The following CLVS1 variants were observed in gnomAD, a reference collection of about 807,000 sequenced individuals.
CLVS1 encodes clavesin 1, also known as clavesin-1.
A neutral mutation model predicts 33.1 loss-of-function variants in CLVS1; 10 were observed. The observed-to-expected ratio is 0.30, with a 90% CI of 0.19 to 0.51. The LOEUF is 0.51. CLVS1 is among the 20% of genes least tolerant of loss of function. The probability of loss-of-function intolerance (pLI) is 0.97; values close to 1 mark genes in which losing one functional copy is unlikely to be tolerated. For missense variants in CLVS1, 343 were observed against 433.4 expected (o/e 0.79, Z 1.85); for synonymous variants, 163 against 166.1 (o/e 0.98, Z 0.14).
chr8:61,235,826 T>C (rs992592584), intron 2 of CLVS1, among the ~76,000 whole-genome samples: 2 of 152,208 alleles, frequency 1.3e-5, no homozygotes, highest in African/African-American at 4.8e-5. Flanking sequence ...TTGCTAGAGA[T>C]AGAGATCATT....
chr8:61,039,180 T>C, the CLVS1 span, among the ~76,000 whole-genome samples: 1 of 152,230 alleles, frequency 6.6e-6, no homozygotes, highest in Non-Finnish European at 1.5e-5. Flanking sequence ...CAATAAGAAA[T>C]ATATTTTACT....
At chr8:61,191,926 A>G (rs1056938365) in intron 2 of CLVS1, among the ~76,000 whole-genome samples, 17 of 152,234 alleles carry the variant, frequency 1.1e-4, no homozygotes, top group Non-Finnish European at 2.4e-4. Flanking sequence ...AGGAAGAATC[A>G]ATATTGTGAA....
chr8:61,129,649 C>A (rs1358537370), intron 1 of CLVS1, among the ~76,000 whole-genome samples: 2 of 152,110 alleles, frequency 1.3e-5, no homozygotes, highest in Admixed American at 1.3e-4. Context: ...TAGATGGTGT[C>A]TTCTTGCTGT....
At chr8:61,390,041 G>A (rs1387491322) in intron 3 of CLVS1, among the ~76,000 whole-genome samples, 2 of 152,180 alleles carry the variant, frequency 1.3e-5, no homozygotes, top group Non-Finnish European at 2.9e-5. Context: ...CCTGGAGGTT[G>A]AAATCCATAA....
chr8:61,163,589 C>A (rs927138127), intron 2 of CLVS1, among the ~76,000 whole-genome samples: 1 of 152,142 alleles, frequency 6.6e-6, no homozygotes, highest in Non-Finnish European at 1.5e-5. Flanking sequence ...TGGCAGCAAG[C>A]CTTTTGCTCT....
the CLVS1 span, among the ~76,000 whole-genome samples, chr8:61,014,142 A>ATTTTTTTTTTTTTTTTTTT: frequency 6.7e-6 from 1 of 149,464 alleles, no homozygotes. Flanking sequence ...TAGTTTGAGA[A>ATTTTTTTTTTTTTTTTTTT]GTCATGTCAT....
intron 3 of CLVS1, among the ~76,000 whole-genome samples, chr8:61,408,391 T>C (rs1225845647): frequency 6.6e-6 from 1 of 152,084 alleles, no homozygotes; most frequent in Non-Finnish European, 1.5e-5. Flanking sequence ...AGAGATTCGA[T>C]TGAAAAGACA....
chr8:61,376,996 G>A, intron 3 of CLVS1: 1 of 476,668 alleles, frequency 2.1e-6, no homozygotes, highest in Non-Finnish European at 3.7e-6. Flanking sequence ...GTTACCCCAG[G>A]CACAAATTAT....
rs538311867 is a variant in CLVS1 at position 61,388,597 on chromosome 8, G to A, written c.630+11818G>A. 2.1e-4 allele frequency among the ~76,000 whole-genome samples: 32 copies of A among 151,672 alleles called. No individual in the cohort carries two copies. The South Asian group carries it at 4.6e-3, about 22-fold the overall frequency. ...CATAAAATGGATGCATTAAGCCTGC[G>A]CACTTCATTCTTTTTTTGTTATATC... On this transcript the variant is annotated intron_variant, in intron 3 of 5. Transcript: ENST00000325897.
At chr8:61,497,706 T>G (rs934831883) in intron 5 of CLVS1, among the ~76,000 whole-genome samples, 2 of 151,846 alleles carry the variant, frequency 1.3e-5, no homozygotes, top group African/African-American at 4.8e-5. Context: ...GTCCATAGAG[T>G]AAAGTGAAAG....
chr8:61,476,116 A>G (rs1168495303), intron 5 of CLVS1, among the ~76,000 whole-genome samples: 1 of 151,930 alleles, frequency 6.6e-6, no homozygotes, highest in Non-Finnish European at 1.5e-5. Flanking sequence ...TAGATATGTG[A>G]CATTATTTCT....
chr8:61,133,682 G>A (rs938273947), intron 2 of CLVS1, among the ~76,000 whole-genome samples: 11 of 152,132 alleles, frequency 7.2e-5, no homozygotes, highest in African/African-American at 2.7e-4. Flanking sequence ...GGAAGGATTG[G>A]GAAGGGGAAA....
chr8:61,151,370 C>T lies in CLVS1; in HGVS notation c.-152+19510C>T, dbSNP rs1185958887. On this transcript the variant is annotated intron_variant, in intron 2 of 2. Transcript: ENST00000522621. ...TTAATTACGTTATCTTGTTAATATT[C>T]GCAATAACCCTATGAAGTATATATT... Among the ~76,000 whole-genome samples, 7 of 152,066 alleles carry T rather than the reference C, an allele frequency of 4.6e-5. No homozygotes were observed. The East Asian group carries it at 5.8e-4, about 13-fold the overall frequency.
chr8:61,074,083 A>G (rs1001130683), intron 1 of CLVS1, among the ~76,000 whole-genome samples: 2 of 151,214 alleles, frequency 1.3e-5, no homozygotes, highest in African/African-American at 2.4e-5. Flanking sequence ...CACACCTGTA[A>G]TCTGAGCACT....
chr8:61,342,231 C>T (rs1812050651), intron 2 of CLVS1, among the ~76,000 whole-genome samples: 1 of 152,164 alleles, frequency 6.6e-6, no homozygotes, highest in African/African-American at 2.4e-5. Context: ...GGATGAGAAA[C>T]ATCTCCCCAA....
chr8:61,292,982 T>G (rs369669098), intron 1 of CLVS1, among the ~76,000 whole-genome samples: 4 of 152,320 alleles, frequency 2.6e-5, no homozygotes, highest in African/African-American at 9.6e-5. Context: ...TACAAAAGTT[T>G]TCAGTGTCTC....
intron 2 of CLVS1, among the ~76,000 whole-genome samples, chr8:61,249,791 G>A (rs1808894173): frequency 6.6e-6 from 1 of 152,092 alleles, no homozygotes; most frequent in Non-Finnish European, 1.5e-5. Flanking sequence ...ATTTGTTTAA[G>A]TTCTTTGTAG....
intron 1 of CLVS1, among the ~76,000 whole-genome samples, chr8:61,085,611 C>T (rs758848085): frequency 6.6e-6 from 1 of 151,716 alleles, no homozygotes; most frequent in South Asian, 2.1e-4. Context: ...CATGACCTGG[C>T]GGAGTGCGGT....
At chr8:60,975,518 G>C in the CLVS1 span, among the ~76,000 whole-genome samples, 1 of 152,154 alleles carries the variant, frequency 6.6e-6, no homozygotes, top group African/African-American at 2.4e-5. Context: ...GATGGAGGCA[G>C]AGGTTGGAGT....
Sources: allele counts gnomAD v4.1 joint callset (sites outside exome capture counted in the v4.1 genomes callset), GRCh38; gene constraint gnomAD v4.1.1; transcripts MANE v1.5; gene names NCBI Gene and HGNC (gene_info 2026-07-23, HGNC 2026-07-21).